IRGQ: variants seen among roughly 807,000 people sequenced by gnomAD.
IRGQ encodes the protein immunity-related GTPase family Q protein.
IRGQ carries 5 observed loss-of-function variants against 10.5 expected under a neutral mutation model. That is an observed-to-expected ratio of 0.48 (90% CI 0.25 to 1.00). IRGQ has a LOEUF of 1.00. IRGQ is among the 50% of genes least tolerant of loss of function. The probability of loss-of-function intolerance (pLI) is 0.16; values close to 1 mark genes in which losing one functional copy is unlikely to be tolerated. For missense variants in IRGQ, 792 were observed against 877.7 expected (o/e 0.90, Z 1.23); for synonymous variants, 418 against 426.0 (o/e 0.98, Z 0.23).
chr19:43,589,757 G>A lies in IRGQ; in HGVS notation c.*2269C>T, dbSNP rs10419957. ...TTGCTACAAGGAAACTCAACTGGCC[G>A]AAATGAATAGTGGGGGAATGTGAGC... On this transcript the variant is annotated 3_prime_UTR_variant, in exon 3 of 3. Transcript: ENST00000422989. 5.7e-3 allele frequency: 870 copies of A among 152,242 alleles called. 8 individuals carry two copies. Among genetic ancestry groups the A allele is most frequent in the African/African-American group, 0.018 (752 of 41,522 alleles). 9.4% of individuals were successfully genotyped at this position (152,242 alleles called of 1,614,324 possible). A position where few individuals can be genotyped will look rare whatever the true frequency, so the allele number is the denominator to read the frequency against.
rs1476165945 is a variant in IRGQ, at chr19:43,592,244, T to C, written c.1654A>G (p.Thr552Ala). Reference protein sequence around the residue: ...AARAHFPGPVTRAEVEARLGA... With the variant: ...AARAHFPGPVARAEVEARLGA... ...AGTCTTGCTTCCACCTCGGCGCGCG[T>C]CACCGGGCCTGGGAAATGAGCGCGC... is the stretch of plus-strand genomic sequence containing the variant. The change falls in exon 3 of 3, where the codon ACG becomes GCG. Residue 552 changes from threonine (T) to alanine (A), a missense_variant. By Grantham distance (58) the Thr-to-Ala change is moderately conservative (BLOSUM62 0). Transcript: ENST00000422989. 12 of 1,579,164 alleles carry C rather than the reference T, an allele frequency of 7.6e-6. No homozygotes were observed. The highest frequency in any genetic ancestry group is 9.4e-6 in the Non-Finnish European group (11 of 1,170,522).
At chr19:43,594,697 G>A in intron 2 of IRGQ, 112 bp downstream of exon 2, 2 of 803,948 alleles carry the variant, frequency 2.5e-6, no homozygotes, top group Middle Eastern at 3.9e-4. Flanking sequence ...AATAATAATA[G>A]AGCTAAGCCT....
rs916450146 is a variant in IRGQ, at chr19:43,594,743, C to G, written c.530+66G>C. On this transcript the variant is annotated intron_variant, in intron 2 of 2. Transcript: ENST00000422989. ...TCACTGGGGGAGGGATCTCATGGAC[C>G]TCCATGGTCGCACCTAGGTGCCTAG... is the stretch of plus-strand genomic sequence containing the variant. 3.1e-5 allele frequency: 44 copies of G among 1,407,146 alleles called. No homozygotes were observed. In the East Asian group the frequency reaches 9.2e-4, roughly 30 times the overall value. The allele number at this position is 1,407,146 out of a possible 1,614,324, so 87.2% of individuals were successfully genotyped here.
At position 43,595,312 on chromosome 19, in the gene IRGQ, G is replaced by A. The variant is rs1258320575; in HGVS notation, c.27C>T (p.Thr9=). MPPPQGDV[T]ALFLGPPGLG... ...AGCCCGGAGGCCCCAGGAACAAGGC[G>A]GTCACGTCACCCTGCGGCGGAGGCA... Residue 9 remains threonine (T), a synonymous_variant, in exon 2 of 3, where the codon ACC becomes ACT. Coordinates refer to ENST00000422989, the MANE Select transcript of IRGQ (RefSeq NM_001007561.3). The A allele has an allele frequency of 1.3e-6, 2 of 1,571,772 alleles. No homozygotes were observed. Among genetic ancestry groups the A allele is most frequent in the South Asian group, 2.3e-5 (2 of 87,392 alleles).
chr19:43,595,677 A>C (rs1315635366), intron 1 of IRGQ, among the ~76,000 whole-genome samples: 1 of 151,996 alleles, frequency 6.6e-6, no homozygotes, highest in Non-Finnish European at 1.5e-5. Flanking sequence ...CAGCCTGGCC[A>C]ACATGTGGGG....
rs757490738 is a variant in IRGQ, at chr19:43,592,114, C to T, written c.1784G>A (p.Arg595Gln). ...GAAATGGLGY[R>Q]AAHGVLLQAL... ...CTGCAGCAGGACGCCGTGAGCCGCT[C>T]GGTAGCCCAGGCCACCTGTCGCCGC... Residue 595 changes from arginine (R) to glutamine (Q), a missense_variant, in exon 3 of 3, where the codon CGA becomes CAA. Coordinates refer to ENST00000422989, the MANE Select transcript of IRGQ (RefSeq NM_001007561.3). 4.3e-6 allele frequency: 7 copies of T among 1,612,074 alleles called. No homozygotes were observed. The highest frequency in any genetic ancestry group is 4.5e-5 in the East Asian group (2 of 44,882).
rs764377954 is a variant in IRGQ at position 43,595,124 on chromosome 19, G to A, written c.215C>T (p.Ala72Val). 1 of 1,599,640 alleles carries A rather than the reference G, an allele frequency of 6.3e-7. No individual in the cohort carries two copies. Reference protein sequence around the residue: ...SCPPAAPGPWAAEANVLVLVL... With the variant: ...SCPPAAPGPWVAEANVLVLVL... Reference sequence around the variant, plus strand: ...CAGTACCAGCACGTTGGCTTCCGCCGCCCAGGGCCCCGGCGCTGCGGGTGG... The same window carrying A: ...CAGTACCAGCACGTTGGCTTCCGCCACCCAGGGCCCCGGCGCTGCGGGTGG... Residue 72 changes from alanine to valine, a missense_variant, in exon 2 of 3, where the codon GCG becomes GTG. Coordinates refer to ENST00000422989, the MANE Select transcript of IRGQ (RefSeq NM_001007561.3).
chr19:43,595,420 A>C (rs1238661866), intron 1 of IRGQ, 80 bp from the exon 2 acceptor site: 1 of 1,348,400 alleles, frequency 7.4e-7, no homozygotes, highest in Non-Finnish European at 1.0e-6. Context: ...CTCGGAACCC[A>C]GGCCTCAGTC....
rs1973067973 is a variant in IRGQ, at chr19:43,592,336, C to T, written c.1562G>A (p.Gly521Glu). Reference sequence around the variant, plus strand: ...TCGAGCCAGTGCCGTGGGTTCCAGCCCCAGGCCCCGTCGCCACTCCGCCAG... The same window carrying T: ...TCGAGCCAGTGCCGTGGGTTCCAGCTCCAGGCCCCGTCGCCACTCCGCCAG... ...GQLAEWRRGL[G>E]LEPTALARRE... Residue 521 changes from glycine to glutamate, a missense_variant, in exon 3 of 3, where the codon GGG (glycine) becomes GAG (glutamate). Transcript: ENST00000422989. 1 of 1,571,362 alleles carries T rather than the reference C, an allele frequency of 6.4e-7. No homozygotes were observed. The highest frequency in any genetic ancestry group is 1.8e-5 in the Admixed American group (1 of 56,822).
chr19:43,590,425 C>G lies in IRGQ; in HGVS notation c.*1601G>C, dbSNP rs1233669751. ...TGACACTGAAGAATTCTGTAACCTGCAACTTTTCCCCCACATGTGGCTAGC... is the reference window on the plus strand; with the variant it reads ...TGACACTGAAGAATTCTGTAACCTGGAACTTTTCCCCCACATGTGGCTAGC... On this transcript the variant is annotated 3_prime_UTR_variant, in exon 3 of 3. Transcript: ENST00000422989. 6.6e-6 allele frequency: 1 copy of G among 152,222 alleles called. No homozygotes were observed. The highest frequency in any genetic ancestry group is 2.4e-5 in the African/African-American group (1 of 41,460). 9.4% of individuals were successfully genotyped at this position (152,222 alleles called of 1,614,324 possible). A position where few individuals can be genotyped will look rare whatever the true frequency, so the allele number is the denominator to read the frequency against.
chr19:43,594,810 T>G lies in IRGQ; in HGVS notation c.529A>C (p.Arg177=), dbSNP rs1256643006. ...CCCAGCCAGAAAGCCGGCACTCACCTCCGCAGCGCTTCTGCCTGGCTCTGC... is the reference window on the plus strand; with the variant it reads ...CCCAGCCAGAAAGCCGGCACTCACCGCCGCAGCGCTTCTGCCTGGCTCTGC... The part of the protein sequence containing the change: ...ALQSQAEALR[R]LLPPAQDGFE... The change falls in exon 2 of 3, where the codon AGG becomes CGG. Residue 177 remains arginine (R), a splice_region_variant and synonymous_variant. Transcript: ENST00000422989. 6.3e-7 allele frequency: 1 copy of G among 1,599,866 alleles called. No homozygotes were observed. The highest frequency in any genetic ancestry group is 1.1e-5 in the South Asian group (1 of 90,242).
rs369662943 is a variant in IRGQ, at chr19:43,595,317, C to A, written c.22G>T (p.Val8Leu). The change falls in exon 2 of 3, where the codon GTG (valine) becomes TTG (leucine). Residue 8 changes from valine to leucine, a missense_variant. Val to Leu is a conservative substitution (Grantham distance 32, BLOSUM62 1). Coordinates refer to ENST00000422989, the MANE Select transcript of IRGQ (RefSeq NM_001007561.3). MPPPQGDVTALFLGPPGL... is the reference protein window; with the variant it reads MPPPQGDLTALFLGPPGL... ...GGAGGCCCCAGGAACAAGGCGGTCACGTCACCCTGCGGCGGAGGCATGGCT... is the reference window on the plus strand; with the variant it reads ...GGAGGCCCCAGGAACAAGGCGGTCAAGTCACCCTGCGGCGGAGGCATGGCT... 2 of 1,562,912 alleles carry A rather than the reference C, an allele frequency of 1.3e-6. No individual in the cohort carries two copies. Among genetic ancestry groups the A allele is most frequent in the African/African-American group, 1.4e-5 (1 of 73,284 alleles).
Position 43,589,493 on chromosome 19 carries a change from T to A in IRGQ, c.*2533A>T, listed in dbSNP as rs567263742. On this transcript the variant is annotated 3_prime_UTR_variant, in exon 3 of 3. Coordinates refer to ENST00000422989, the MANE Select transcript of IRGQ (RefSeq NM_001007561.3). ...TCTGTAGGCGGAGGTGGGAGGATCG[T>A]TTGAGCCCAGGAGTTGGAGATGGCA... 1 of 152,220 alleles carries A rather than the reference T, an allele frequency of 6.6e-6. No homozygotes were observed. The highest frequency in any genetic ancestry group is 1.5e-5 in the Non-Finnish European group (1 of 68,034). 9.4% of individuals were successfully genotyped at this position (152,220 alleles called of 1,614,324 possible). A position where few individuals can be genotyped will look rare whatever the true frequency, so the allele number is the denominator to read the frequency against.
rs1407626280 is a variant in IRGQ at position 43,585,714 on chromosome 19, T to A, written c.*6312A>T. 6.6e-6 allele frequency: 1 copy of A among 152,098 alleles called. No homozygotes were observed. The highest frequency in any genetic ancestry group is 6.6e-5 in the Admixed American group (1 of 15,252). 9.4% of individuals were successfully genotyped at this position (152,098 alleles called of 1,614,324 possible). On this transcript the variant is annotated 3_prime_UTR_variant, in exon 3 of 3. Transcript: ENST00000422989. ...ACCTGGCTCCAGAACTAAGGCGCTT[T>A]ACCATCATAAGCTCCCAATGTTTAA...
At position 43,584,981 on chromosome 19, in the gene IRGQ, TG is replaced by T. The variant is rs1375681431; in HGVS notation, c.*7044del. ...CTTGCCTCAGCCTCCCCCATGTAGT[TG>T]GGACCACAGGTGCACACCACCACAT... On this transcript the variant is annotated 3_prime_UTR_variant, in exon 3 of 3. Coordinates refer to ENST00000422989, the MANE Select transcript of IRGQ (RefSeq NM_001007561.3). The T allele has an allele frequency of 4.6e-5, 7 of 152,152 alleles. No homozygotes were observed. The highest frequency in any genetic ancestry group is 1.7e-4 in the African/African-American group (7 of 41,442). 9.4% of individuals were successfully genotyped at this position (152,152 alleles called of 1,614,324 possible).
chr19:43,592,645 T>C lies in IRGQ; in HGVS notation c.1253A>G (p.Asp418Gly), dbSNP rs765791839. The stretch of plus-strand genomic sequence containing the variant: ...CTCCTCCAGCACCTCCCACGTCTCG[T>C]CCTCCGGGCTTAACGCAGCGGCCCG... ...SERAAALSPE[D>G]ETWEVLEEAP... Residue 418 changes from aspartate (D) to glycine (G), a missense_variant, in exon 3 of 3, where the codon GAC becomes GGC. By Grantham distance (94) the Asp-to-Gly change is moderately conservative. Coordinates refer to ENST00000422989, the MANE Select transcript of IRGQ (RefSeq NM_001007561.3). 2 of 1,604,452 alleles carry C rather than the reference T, an allele frequency of 1.2e-6. No homozygotes were observed. Among genetic ancestry groups the C allele is most frequent in the Non-Finnish European group, 1.7e-6 (2 of 1,179,926 alleles).
chr19:43,594,931 G>A lies in IRGQ; in HGVS notation c.408C>T (p.Asn136=), dbSNP rs375137873. ...QARDQTAALL[N]SAGLGAADLF... is the part of the protein sequence containing the mutation. ...GATCCGCAGCTCCTAACCCCGCGCT[G>A]TTCAGCAGAGCTGCTGTCTGATCAC... is the stretch of plus-strand genomic sequence containing the variant. Residue 136 remains asparagine (N), a synonymous_variant, in exon 2 of 3, where the codon AAC becomes AAT. Transcript: ENST00000422989. 8.1e-6 allele frequency: 13 copies of A among 1,613,958 alleles called. No homozygotes were observed. In the African/African-American group the frequency reaches 1.7e-4, roughly 22 times the overall value.
rs914241557 is a variant in IRGQ at position 43,587,916 on chromosome 19, A to C, written c.*4110T>G. The C allele has an allele frequency of 6.6e-6, 1 of 152,164 alleles. No homozygotes were observed. The highest frequency in any genetic ancestry group is 2.4e-5 in the African/African-American group (1 of 41,432). The allele number at this position is 152,164 out of a possible 1,614,324, so 9.4% of individuals were successfully genotyped here. A position where few individuals can be genotyped will look rare whatever the true frequency, so the allele number is the denominator to read the frequency against. On this transcript the variant is annotated 3_prime_UTR_variant, in exon 3 of 3. Coordinates refer to ENST00000422989, the MANE Select transcript of IRGQ (RefSeq NM_001007561.3). ...GCGAAGCACTATCTCAAAAAAAAAAAAAACTAAAAAACCGATGACATGTTG... is the reference window on the plus strand; with the variant it reads ...GCGAAGCACTATCTCAAAAAAAAAACAAACTAAAAAACCGATGACATGTTG...
chr19:43,595,211 T>G lies in IRGQ; in HGVS notation c.128A>C (p.Asp43Ala). ...ETLEAPEGRP[D>A]SGVPSLRAAG... ...AGCTCTTAGGCTGGGAACCCCGGAG[T>G]CCGGCCGTCCCTCGGGGGCCTCGAG... The change falls in exon 2 of 3, where the codon GAC becomes GCC. Residue 43 changes from aspartate (D) to alanine (A), a missense_variant. Coordinates refer to ENST00000422989, the MANE Select transcript of IRGQ (RefSeq NM_001007561.3). 2 of 1,612,324 alleles carry G rather than the reference T, an allele frequency of 1.2e-6. No homozygotes were observed. Among genetic ancestry groups the G allele is most frequent in the Non-Finnish European group, 1.7e-6 (2 of 1,179,712 alleles).
Sources: gnomAD v4.1 joint callset for allele counts (sites outside exome capture counted in the v4.1 genomes callset) on GRCh38, gnomAD v4.1.1 for gene constraint, MANE v1.5 for transcripts, NCBI Gene and HGNC (gene_info 2026-07-23, HGNC 2026-07-21) for gene names.